Variants in PLCE1 observed in about 807,000 individuals in gnomAD.
The protein encoded by PLCE1 is phospholipase C epsilon 1, also known as 1-phosphatidylinositol 4,5-bisphosphate phosphodiesterase epsilon-1.
Under a neutral mutation model 242.8 loss-of-function variants are expected in PLCE1, and 119 were observed. That is an observed-to-expected ratio of 0.49 (90% CI 0.42 to 0.57). The LOEUF (loss-of-function observed/expected upper bound fraction) is 0.57, where lower values mean the gene tolerates loss of function less well. Among genes scored for constraint, PLCE1 ranks in the 20% least tolerant of loss-of-function variants. The pLI, the probability that PLCE1 is intolerant of heterozygous loss-of-function variation, is 0.00. For missense variants in PLCE1, 2,441 were observed against 2,788.8 expected (o/e 0.88, Z 2.81); for synonymous variants, 945 against 1,017.4 (o/e 0.93, Z 1.35).
At chr10:94,105,110 A>C (rs972459519) in intron 2 of PLCE1, 1 of 152,148 alleles carries the variant, frequency 6.6e-6, no homozygotes, top group Non-Finnish European at 1.5e-5. Context: ...AGCATGTTTG[A>C]GCTGATGGAG....
intron 5 of PLCE1, among the ~76,000 whole-genome samples, chr10:94,231,221 C>A (rs2050132824): frequency 6.6e-6 from 1 of 152,046 alleles, no homozygotes; most frequent in Admixed American, 6.6e-5. Context: ...CTGAAGTTTG[C>A]CCTTTGCCCC....
At chr10:94,086,352 T>A (rs941719509) in intron 2 of PLCE1, among the ~76,000 whole-genome samples, 16 of 152,302 alleles carry the variant, frequency 1.1e-4, no homozygotes, top group Admixed American at 8.5e-4. Flanking sequence ...GACGACCCAT[T>A]TTATTTTCTA....
chr10:94,165,334 C>T (rs996708308), intron 3 of PLCE1, among the ~76,000 whole-genome samples: 4 of 152,322 alleles, frequency 2.6e-5, no homozygotes, highest in East Asian at 3.9e-4. Flanking sequence ...CAATGGCGGG[C>T]GCCCCTCCCC....
intron 14 of PLCE1, among the ~76,000 whole-genome samples, chr10:94,264,694 G>A (rs1345138473): frequency 2.0e-5 from 3 of 151,636 alleles, no homozygotes; most frequent in African/African-American, 7.3e-5. Context: ...GCTAATTTTT[G>A]TATTTTTACT....
chr10:94,205,522 A>G (rs888715208), intron 4 of PLCE1, among the ~76,000 whole-genome samples: 7 of 152,242 alleles, frequency 4.6e-5, no homozygotes, highest in Admixed American at 3.3e-4. Flanking sequence ...ACAAATATTC[A>G]TTGAATGACT....
chr10:94,093,934 CTTTTTTTTTTTTT>C lies in PLCE1; in HGVS notation c.1207-38227_1207-38215del, dbSNP rs398046178. On this transcript the variant is annotated intron_variant, in intron 2 of 32. Coordinates refer to ENST00000371380, the MANE Select transcript of PLCE1 (RefSeq NM_016341.4). ...TCATTCAGTCATTTAATCGGTATTT[CTTTTTTTTTTTTT>C]TTTTTTTTTTTTGAGACGGAGTCTC... 3.8e-3 allele frequency among the ~76,000 whole-genome samples: 302 copies of C among 79,208 alleles called. 8 individuals are homozygous for C. Among genetic ancestry groups the C allele is most frequent in the African/African-American group, 0.013 (238 of 18,330 alleles). The allele number at this position is 79,208 out of a possible 152,430, so 52.0% of individuals were successfully genotyped here.
rs74150327 is a variant in PLCE1, at chr10:94,063,551, C to T, written c.1206+31299C>T. On this transcript the variant is annotated intron_variant, in intron 2 of 32. Coordinates refer to ENST00000371380, the MANE Select transcript of PLCE1 (RefSeq NM_016341.4). ...TTAGCAACTGCCACACTGCTTTTTG[C>T]CTATCCTAAGCACATTTTCTTGTCC... Among the ~76,000 whole-genome samples, 108 of 152,288 alleles carry T rather than the reference C, an allele frequency of 7.1e-4. 1 individual carries two copies. Among genetic ancestry groups the T allele is most frequent in the African/African-American group, 2.6e-3 (106 of 41,566 alleles).
chr10:94,255,163 T>A, intron 11 of PLCE1, 114 bp downstream of exon 11: 2 of 1,352,254 alleles, frequency 1.5e-6, no homozygotes, highest in Non-Finnish European at 2.1e-6. Flanking sequence ...GATGTATAGT[T>A]GAACTGAAAA....
intron 2 of PLCE1, among the ~76,000 whole-genome samples, chr10:94,066,929 T>C (rs1187102850): frequency 6.6e-6 from 1 of 152,240 alleles, no homozygotes; most frequent in Non-Finnish European, 1.5e-5. Context: ...ACGTTTGCCT[T>C]CCTGTTCTGT....
At chr10:94,041,991 G>C (rs2061777969) in intron 2 of PLCE1, among the ~76,000 whole-genome samples, 1 of 152,014 alleles carries the variant, frequency 6.6e-6, no homozygotes, top group South Asian at 2.1e-4. Flanking sequence ...AAAAAAAGAG[G>C]GAGGGCAGAC....
intron 3 of PLCE1, among the ~76,000 whole-genome samples, chr10:94,166,325 T>G (rs1245785455): frequency 6.6e-6 from 1 of 152,200 alleles, no homozygotes; most frequent in Non-Finnish European, 1.5e-5. Flanking sequence ...AGAATACACG[T>G]TTAAAATTTT....
chr10:94,012,997 T>C (rs1042615527), intron 1 of PLCE1, among the ~76,000 whole-genome samples: 1 of 152,184 alleles, frequency 6.6e-6, no homozygotes, highest in African/African-American at 2.4e-5. Flanking sequence ...TGTAACAATC[T>C]CAGTCACCTC....
chr10:94,173,965 A>G (rs888789111), intron 4 of PLCE1, among the ~76,000 whole-genome samples: 2 of 152,260 alleles, frequency 1.3e-5, no homozygotes, highest in East Asian at 3.8e-4. Flanking sequence ...GAAAAGTTCC[A>G]TTACATCAAA....
At chr10:94,095,295 C>T (rs1219189985) in intron 2 of PLCE1, among the ~76,000 whole-genome samples, 2 of 151,070 alleles carry the variant, frequency 1.3e-5, no homozygotes, top group East Asian at 2.0e-4. Flanking sequence ...GCTCCTTGAT[C>T]CCCTTGTCCC....
chr10:94,283,834 A>T lies in PLCE1; in HGVS notation c.4840A>T (p.Lys1614Ter). The T allele has an allele frequency of 2.5e-6, 4 of 1,612,356 alleles. No individual in the cohort carries two copies. Among genetic ancestry groups the T allele is most frequent in the Non-Finnish European group, 3.4e-6 (4 of 1,178,694 alleles). ...ACCTGAAAATAAATCATGTAATGACAAGCTTCAGTTTGAATATAATGAAGA... is the reference window on the plus strand; with the variant it reads ...ACCTGAAAATAAATCATGTAATGACTAGCTTCAGTTTGAATATAATGAAGA... ...DRPENKSCND[K>*]LQFEYNEEIP... The change falls in exon 21 of 33, where the codon AAG becomes TAG. Residue 1614 changes from lysine (K) to a stop codon, truncating the protein, a stop_gained. Coordinates refer to ENST00000371380, the MANE Select transcript of PLCE1 (RefSeq NM_016341.4). LOFTEE classifies it high-confidence loss of function.
Position 94,197,851 on chromosome 10 carries a change from C to T in PLCE1, c.1809+26355C>T, listed in dbSNP as rs888673883. Among the ~76,000 whole-genome samples, 4 of 151,646 alleles carry T rather than the reference C, an allele frequency of 2.6e-5. No individual in the cohort carries two copies. In the South Asian group the frequency reaches 6.3e-4, roughly 24 times the overall value. The stretch of plus-strand genomic sequence containing the variant: ...TACAAAAATTAGCTGGGCATGGTGG[C>T]GGGAGCCTGTCATTCCAGCTACGTG... On this transcript the variant is annotated intron_variant, in intron 4 of 32. Transcript: ENST00000371380.
intron 4 of PLCE1, among the ~76,000 whole-genome samples, chr10:94,202,182 T>C (rs1457700935): frequency 4.6e-5 from 7 of 152,226 alleles, no homozygotes; most frequent in Non-Finnish European, 1.0e-4. Context: ...GTGTAGAATA[T>C]GTCCACATGA....
chr10:94,297,556 G>T (rs530404182), intron 23 of PLCE1, among the ~76,000 whole-genome samples: 7 of 125,664 alleles, frequency 5.6e-5, no homozygotes, highest in Admixed American at 4.7e-4. Flanking sequence ...CAATAAACTT[G>T]CTGGAGGCAG....
chr10:94,179,530 T>TTTGA (rs10636243), intron 4 of PLCE1, among the ~76,000 whole-genome samples: 43,584 of 118,300 alleles, frequency 0.37, 9,018 homozygotes, highest in Admixed American at 0.47. Flanking sequence ...TTTTTTTTTT[T>TTTGA]GACAGGGTCT....
Sources: allele counts gnomAD v4.1 joint callset (sites outside exome capture counted in the v4.1 genomes callset), GRCh38; gene constraint gnomAD v4.1.1; transcripts MANE v1.5; gene names NCBI Gene and HGNC (gene_info 2026-07-23, HGNC 2026-07-21).